Variants in CORIN observed in about 807,000 individuals in gnomAD.
The protein encoded by CORIN is corin, serine peptidase, also known as atrial natriuretic peptide-converting enzyme.
CORIN carries 117 observed loss-of-function variants against 125.3 expected under a neutral mutation model. That is an observed-to-expected ratio of 0.93 (90% CI 0.80 to 1.09). CORIN has a LOEUF of 1.09. Ranked by LOEUF, CORIN falls within the 50% of genes least tolerant of loss-of-function variation. The probability of loss-of-function intolerance (pLI) is 0.00; values close to 1 mark genes in which losing one functional copy is unlikely to be tolerated. For missense variants in CORIN, 1,253 were observed against 1,306.7 expected, an observed-to-expected ratio of 0.96 and a Z score of 0.63; for synonymous variants, 450 against 466.4, an observed-to-expected ratio of 0.96 and a Z score of 0.45.
At chr4:47,678,315 C>T (rs1165516966) in intron 8 of CORIN, among the ~76,000 whole-genome samples, 2 of 152,172 alleles carry the variant, frequency 1.3e-5, no homozygotes, top group Non-Finnish European at 1.5e-5. Context: ...ATAAAAATGA[C>T]AATTTGTAAA....
intron 12 of CORIN, 190 bp downstream of exon 12, chr4:47,661,521 T>C (rs1724248838): frequency 1.9e-6 from 1 of 524,708 alleles, no homozygotes; most frequent in African/African-American, 1.9e-5. Flanking sequence ...TTAAAATGAA[T>C]GCAATATCTA....
At chr4:47,784,570 T>C (rs1425970090) in intron 3 of CORIN, among the ~76,000 whole-genome samples, 1 of 152,208 alleles carries the variant, frequency 6.6e-6, no homozygotes, top group Non-Finnish European at 1.5e-5. Context: ...CCTGTTTGAA[T>C]CTTAACAAAT....
At chr4:47,661,005 A>G (rs945957176) in intron 12 of CORIN, among the ~76,000 whole-genome samples, 6 of 152,132 alleles carry the variant, frequency 3.9e-5, no homozygotes, top group Non-Finnish European at 7.3e-5. Context: ...CTTAAAAAAG[A>G]ATGAGATCCT....
intron 16 of CORIN, among the ~76,000 whole-genome samples, chr4:47,637,179 G>T (rs374773916): frequency 6.6e-6 from 1 of 152,158 alleles, no homozygotes; most frequent in Non-Finnish European, 1.5e-5. Context: ...GATGATTTAG[G>T]ATATCTGGTA....
chr4:47,811,301 C>T (rs1380638155), intron 1 of CORIN, among the ~76,000 whole-genome samples: 1 of 152,136 alleles, frequency 6.6e-6, no homozygotes, highest in Non-Finnish European at 1.5e-5. Flanking sequence ...GAACCATGCA[C>T]CCAGAGGTTC....
intron 1 of CORIN, among the ~76,000 whole-genome samples, chr4:47,824,454 T>C (rs1255706069): frequency 6.6e-6 from 1 of 152,186 alleles, no homozygotes; most frequent in Admixed American, 6.5e-5. Context: ...CTTCACGTTC[T>C]CACCAGGATG....
chr4:47,837,131 G>A (rs1477797045), intron 1 of CORIN, among the ~76,000 whole-genome samples: 2 of 152,252 alleles, frequency 1.3e-5, no homozygotes, highest in Non-Finnish European at 2.9e-5. Flanking sequence ...AAATCCTACA[G>A]CGCAGAGCCT....
At chr4:47,677,531 T>C (rs1003311813) in intron 9 of CORIN, among the ~76,000 whole-genome samples, 1 of 152,246 alleles carries the variant, frequency 6.6e-6, no homozygotes, top group African/African-American at 2.4e-5. Context: ...TATTGCTCGG[T>C]AATAAGAGGC....
At chr4:47,824,786 A>G (rs997767339) in intron 1 of CORIN, among the ~76,000 whole-genome samples, 1 of 152,216 alleles carries the variant, frequency 6.6e-6, no homozygotes, top group African/African-American at 2.4e-5. Flanking sequence ...GCCAAGGGGA[A>G]AGAGAACGCT....
In CORIN at chr4:47,674,406, A is replaced by C. The variant is rs1724915940; in HGVS notation, c.1344T>G (p.Ser448Arg). Residue 448 changes from serine to arginine, a missense_variant, in exon 10 of 22, where the codon AGT (serine) becomes AGG (arginine). Physicochemically the swap from Ser to Arg is moderately radical, Grantham distance 110. Transcript: ENST00000273857. ...TGTTGTACTTACTACAGTTATTCAG[A>C]CTGTTGTTCGGGTCACAGAGAGAGC... ...GGSSLCDPNN[S>R]LNNCSQCEPI... is the part of the protein sequence containing the mutation. 6.2e-7 allele frequency: 1 copy of C among 1,611,376 alleles called. No individual in the cohort carries two copies.
At chr4:47,808,275 T>TA (rs2109955043) in intron 1 of CORIN, among the ~76,000 whole-genome samples, 1 of 152,280 alleles carries the variant, frequency 6.6e-6, no homozygotes, top group African/African-American at 2.4e-5. Flanking sequence ...CAAACTTTTT[T>TA]TAAAAAAATG....
chr4:47,775,388 G>T (rs906163341), intron 3 of CORIN, among the ~76,000 whole-genome samples: 1 of 151,902 alleles, frequency 6.6e-6, no homozygotes, highest in Non-Finnish European at 1.5e-5. Flanking sequence ...CCCACGACGG[G>T]CCCCCGTGTG....
Position 47,641,963 on chromosome 4 carries a change from G to C in CORIN, c.2155C>G (p.Gln719Glu). Residue 719 changes from glutamine to glutamate, a missense_variant, in exon 16 of 22, where the codon CAG becomes GAG. By Grantham distance (29) the Gln-to-Glu change is conservative (BLOSUM62 2). Transcript: ENST00000273857. ...TEHHVCADGWQEILSQLACKQ... is the reference protein window; with the variant it reads ...TEHHVCADGWEEILSQLACKQ... ...CAGGCCAGCTGACTCAATATCTCCTGCCAGCCATCTGCACACACATGGTGT... is the reference window on the plus strand; with the variant it reads ...CAGGCCAGCTGACTCAATATCTCCTCCCAGCCATCTGCACACACATGGTGT... 1 of 1,613,498 alleles carries C rather than the reference G, an allele frequency of 6.2e-7. No individual in the cohort carries two copies. The highest frequency in any genetic ancestry group is 8.5e-7 in the Non-Finnish European group (1 of 1,179,660).
chr4:47,823,109 G>A (rs139548191), intron 1 of CORIN, among the ~76,000 whole-genome samples: 5 of 152,142 alleles, frequency 3.3e-5, no homozygotes, highest in African/African-American at 7.2e-5. Flanking sequence ...CACCGTACCC[G>A]GCCCCATTTC....
chr4:47,703,421 ACC>A (rs1162806932), intron 5 of CORIN, among the ~76,000 whole-genome samples: 5 of 152,110 alleles, frequency 3.3e-5, no homozygotes, highest in African/African-American at 1.2e-4. Context: ...GTTCATAAAC[ACC>A]CTGATATCCA....
At chr4:47,815,637 T>A (rs1732233451) in intron 1 of CORIN, among the ~76,000 whole-genome samples, 1 of 152,132 alleles carries the variant, frequency 6.6e-6, no homozygotes, top group Non-Finnish European at 1.5e-5. Context: ...TTTAAAGTAA[T>A]AAAGTTTCCT....
intron 13 of CORIN, among the ~76,000 whole-genome samples, chr4:47,649,953 T>G (rs1460313246): frequency 6.6e-6 from 1 of 152,156 alleles, no homozygotes; most frequent in Non-Finnish European, 1.5e-5. Context: ...TAGAGACTGG[T>G]AGTATTTGGA....
At chr4:47,749,686 A>C (rs896855222) in intron 4 of CORIN, among the ~76,000 whole-genome samples, 6 of 152,126 alleles carry the variant, frequency 3.9e-5, no homozygotes, top group African/African-American at 1.4e-4. Flanking sequence ...TAACTAATAC[A>C]CTTTTCTTGA....
intron 5 of CORIN, among the ~76,000 whole-genome samples, chr4:47,708,915 A>G (rs757748526): frequency 6.6e-6 from 1 of 152,202 alleles, no homozygotes; most frequent in Non-Finnish European, 1.5e-5. Flanking sequence ...ATAATACTCT[A>G]AAATGTAAAT....
Sources: allele counts gnomAD v4.1 joint callset (sites outside exome capture counted in the v4.1 genomes callset), GRCh38; gene constraint gnomAD v4.1.1; transcripts MANE v1.5; gene names NCBI Gene and HGNC (gene_info 2026-07-23, HGNC 2026-07-21).